The following LRRTM4 variants were observed in gnomAD, a reference collection of about 807,000 sequenced individuals.
LRRTM4 encodes the protein leucine-rich repeat transmembrane neuronal protein 4.
A neutral mutation model predicts 47.6 loss-of-function variants in LRRTM4; 25 were observed. That is an observed-to-expected ratio of 0.53 (90% CI 0.38 to 0.73). LRRTM4 has a LOEUF of 0.73. LRRTM4 is among the 30% of genes least tolerant of loss of function. The pLI is 0.00. For missense variants in LRRTM4, 638 were observed against 713.4 expected (o/e 0.89, Z 1.20); for synonymous variants, 311 against 269.5 (o/e 1.15, Z -1.51).
At chr2:77,083,798 T>G (rs1306218511) in intron 3 of LRRTM4, among the ~76,000 whole-genome samples, 7 of 99,936 alleles carry the variant, frequency 7.0e-5, no homozygotes, top group East Asian at 5.2e-4. Flanking sequence ...TTTTTTTTTT[T>G]TTTTTTTTTT....
intron 3 of LRRTM4, among the ~76,000 whole-genome samples, chr2:77,399,611 A>T (rs1673861282): frequency 7.0e-6 from 1 of 142,532 alleles, no homozygotes; most frequent in African/African-American, 3.1e-5. Flanking sequence ...AAACTAAACT[A>T]AACTAAAGAC....
intron 3 of LRRTM4, among the ~76,000 whole-genome samples, chr2:77,214,275 C>G (rs887375393): frequency 6.6e-6 from 1 of 152,148 alleles, no homozygotes; most frequent in African/African-American, 2.4e-5. Context: ...TGTTCTTATC[C>G]TAACTCTGCA....
At chr2:76,855,243 A>T (rs1314455517) in intron 3 of LRRTM4, among the ~76,000 whole-genome samples, 2 of 152,330 alleles carry the variant, frequency 1.3e-5, no homozygotes, top group Non-Finnish European at 2.9e-5. Flanking sequence ...TCAGTTGTTA[A>T]AGCAGTGAAT....
At position 76,974,225 on chromosome 2, in the gene LRRTM4, TAC is replaced by T. The variant is rs200806091; in HGVS notation, c.1552-225311_1552-225310del. 1.6e-3 allele frequency among the ~76,000 whole-genome samples: 158 copies of T among 99,046 alleles called. 1 individual carries two copies. The highest frequency in any genetic ancestry group is 2.4e-3 in the Admixed American group (21 of 8,874). The allele number at this position is 99,046 out of a possible 152,430, so 65.0% of individuals were successfully genotyped here. A position where few individuals can be genotyped will look rare whatever the true frequency, so the allele number is the denominator to read the frequency against. On this transcript the variant is annotated intron_variant, in intron 3 of 3. Coordinates refer to ENST00000409884, the MANE Select transcript of LRRTM4 (RefSeq NM_001134745.3). The stretch of plus-strand genomic sequence containing the variant: ...ATATATATATACACATATATATACA[TAC>T]ATATATATATATACATATATATATA...
chr2:77,031,233 G>C (rs1458983048), intron 3 of LRRTM4, among the ~76,000 whole-genome samples: 2 of 151,910 alleles, frequency 1.3e-5, no homozygotes, highest in Non-Finnish European at 2.9e-5. Context: ...AAATAATTTT[G>C]TGTAGCTAAG....
intron 3 of LRRTM4, among the ~76,000 whole-genome samples, chr2:77,000,687 G>A (rs1298892139): frequency 1.3e-5 from 2 of 152,050 alleles, no homozygotes; most frequent in South Asian, 2.1e-4. Context: ...GGTTTGTTCT[G>A]GAAACTTATA....
chr2:76,982,247 C>G (rs1458931567), intron 3 of LRRTM4, among the ~76,000 whole-genome samples: 1 of 151,906 alleles, frequency 6.6e-6, no homozygotes, highest in African/African-American at 2.4e-5. Context: ...AGTAAGAAAC[C>G]CTCAGCAGAA....
intron 3 of LRRTM4, among the ~76,000 whole-genome samples, chr2:77,068,097 G>C (rs562073104): frequency 6.6e-6 from 1 of 152,190 alleles, no homozygotes; most frequent in African/African-American, 2.4e-5. Context: ...AAGAGATATA[G>C]AGACTATTTC....
rs144779776 is a variant in LRRTM4, at chr2:77,342,553, T to A, written c.1551+175765A>T. Among the ~76,000 whole-genome samples the A allele has an allele frequency of 2.0e-5, 3 of 152,112 alleles. No individual in the cohort carries two copies. In the East Asian group the frequency reaches 5.8e-4, roughly 29 times the overall value. ...ACTGTTAGATCTTAAACAAATTTTTTAATATCTAGAACACAGATTCTTCAT... is the reference window on the plus strand; with the variant it reads ...ACTGTTAGATCTTAAACAAATTTTTAAATATCTAGAACACAGATTCTTCAT... On this transcript the variant is annotated intron_variant, in intron 3 of 3. Coordinates refer to ENST00000409884, the MANE Select transcript of LRRTM4 (RefSeq NM_001134745.3).
chr2:77,358,055 C>CTTT, intron 3 of LRRTM4, among the ~76,000 whole-genome samples: 1 of 152,030 alleles, frequency 6.6e-6, no homozygotes, highest in East Asian at 1.9e-4. Flanking sequence ...TTTCTTTAAC[C>CTTT]TTTCTCCTAA....
At chr2:77,144,166 C>G (rs939519445) in intron 3 of LRRTM4, among the ~76,000 whole-genome samples, 3 of 152,000 alleles carry the variant, frequency 2.0e-5, no homozygotes, top group African/African-American at 7.3e-5. Context: ...CTAAAGGGAG[C>G]CAAGATGGTC....
chr2:77,071,116 T>C (rs896175035), intron 3 of LRRTM4, among the ~76,000 whole-genome samples: 8 of 152,056 alleles, frequency 5.3e-5, no homozygotes, highest in Non-Finnish European at 2.9e-5. Flanking sequence ...ATAAAGAGTA[T>C]TTCACAGAAA....
At chr2:76,905,371 A>G (rs1673791816) in intron 3 of LRRTM4, among the ~76,000 whole-genome samples, 1 of 152,140 alleles carries the variant, frequency 6.6e-6, no homozygotes, top group Non-Finnish European at 1.5e-5. Context: ...ATCAAAGACC[A>G]AAAGTAGATA....
At chr2:76,763,530 G>T (rs560016437) in intron 3 of LRRTM4, among the ~76,000 whole-genome samples, 3 of 152,328 alleles carry the variant, frequency 2.0e-5, no homozygotes, top group African/African-American at 7.2e-5. Flanking sequence ...TGGACTTCCG[G>T]CTTCCAGAAC....
In LRRTM4 at chr2:77,021,125, T is replaced by TCTAC. The variant is rs1182409906; in HGVS notation, c.1552-272210_1552-272209insGTAG. ...ATCTATCTATGTATCTATCTATCTA[T>TCTAC]CTATCTAGCCTTATCTATCTATTGC... is the stretch of plus-strand genomic sequence containing the variant. On this transcript the variant is annotated intron_variant, in intron 3 of 3. Transcript: ENST00000409884. Among the ~76,000 whole-genome samples, 7 of 151,940 alleles carry TCTAC rather than the reference T, an allele frequency of 4.6e-5. No individual in the cohort carries two copies. In the East Asian group the frequency reaches 1.2e-3, roughly 25 times the overall value.
At chr2:77,286,373 T>A (rs1676657894) in intron 3 of LRRTM4, among the ~76,000 whole-genome samples, 1 of 152,006 alleles carries the variant, frequency 6.6e-6, no homozygotes, top group Non-Finnish European at 1.5e-5. Flanking sequence ...ATTAATTTTT[T>A]AAATTGTTAC....
At chr2:76,800,223 CA>C (rs1348870455) in intron 3 of LRRTM4, among the ~76,000 whole-genome samples, 1 of 147,896 alleles carries the variant, frequency 6.8e-6, no homozygotes, top group Non-Finnish European at 1.5e-5. Flanking sequence ...CGACAGTGAC[CA>C]AAACAGCATG....
chr2:77,078,405 C>A (rs1271518175), intron 3 of LRRTM4, among the ~76,000 whole-genome samples: 7 of 149,316 alleles, frequency 4.7e-5, no homozygotes, highest in Non-Finnish European at 1.0e-4. Context: ...CACACACACA[C>A]ACATGTTCTG....
chr2:77,385,909 G>C (rs1673248821), intron 3 of LRRTM4, among the ~76,000 whole-genome samples: 1 of 151,026 alleles, frequency 6.6e-6, no homozygotes, highest in Non-Finnish European at 1.5e-5. Flanking sequence ...CACCACTCCT[G>C]GCTATTTTTT....
Sources: gnomAD v4.1 joint callset for allele counts (sites outside exome capture counted in the v4.1 genomes callset) on GRCh38, gnomAD v4.1.1 for gene constraint, MANE v1.5 for transcripts, NCBI Gene and HGNC (gene_info 2026-07-23, HGNC 2026-07-21) for gene names.